Variants in FAF1 observed in about 807,000 individuals in gnomAD.
FAF1 encodes the protein Fas associated factor 1, also known as FAS-associated factor 1.
FAF1 carries 25 observed loss-of-function variants against 92.5 expected under a neutral mutation model. The observed-to-expected ratio is 0.27, with a 90% CI of 0.20 to 0.38. FAF1 has a LOEUF of 0.38. Ranked by LOEUF, FAF1 falls within the 10% of genes least tolerant of loss-of-function variation. The pLI is 1.00. For missense variants in FAF1, 636 were observed against 793.3 expected (o/e 0.80, Z 2.38); for synonymous variants, 234 against 273.2 (o/e 0.86, Z 1.42).
At chr1:50,717,219 T>C (rs1336230978) in intron 6 of FAF1, among the ~76,000 whole-genome samples, 1 of 152,208 alleles carries the variant, frequency 6.6e-6, no homozygotes, top group Non-Finnish European at 1.5e-5. Context: ...CTTTCCAAAA[T>C]TCATACATTG....
chr1:50,564,892 G>A (rs1388239574), intron 13 of FAF1, among the ~76,000 whole-genome samples: 2 of 151,546 alleles, frequency 1.3e-5, no homozygotes, highest in African/African-American at 2.4e-5. Context: ...TATAAAATGT[G>A]TATTTTCCCA....
intron 4 of FAF1, chr1:50,780,981 T>C: frequency 2.1e-6 from 1 of 483,768 alleles, no homozygotes; most frequent in Admixed American, 2.1e-5. Flanking sequence ...CTGCCAAGGG[T>C]GACTCCAAGG....
At chr1:50,757,017 C>T (rs1426680923) in intron 4 of FAF1, among the ~76,000 whole-genome samples, 1 of 152,146 alleles carries the variant, frequency 6.6e-6, no homozygotes, top group Non-Finnish European at 1.5e-5. Flanking sequence ...TCTTCTTTGA[C>T]CTATGGTTTA....
chr1:50,944,159 A>G (rs887272121), intron 1 of FAF1, among the ~76,000 whole-genome samples: 1 of 152,232 alleles, frequency 6.6e-6, no homozygotes, highest in African/African-American at 2.4e-5. Flanking sequence ...TGGAAGGTAC[A>G]TGACCTGGAG....
At chr1:50,925,590 A>C (rs982533405) in intron 1 of FAF1, among the ~76,000 whole-genome samples, 2 of 152,214 alleles carry the variant, frequency 1.3e-5, no homozygotes, top group African/African-American at 4.8e-5. Context: ...TCAAAGACAA[A>C]AAATTACAAA....
chr1:50,594,825 C>T (rs550497325), intron 9 of FAF1, among the ~76,000 whole-genome samples: 114 of 148,716 alleles, frequency 7.7e-4, no homozygotes, highest in African/African-American at 2.0e-3. Context: ...GAGCCGAGAT[C>T]GCTCCATTGC....
chr1:50,785,310 C>T (rs1661321706), intron 4 of FAF1, among the ~76,000 whole-genome samples: 1 of 151,784 alleles, frequency 6.6e-6, no homozygotes, highest in South Asian at 2.1e-4. Context: ...AAAGCTTCTG[C>T]ACAGAAAAGT....
At chr1:50,901,725 C>T (rs1644798353) in intron 1 of FAF1, among the ~76,000 whole-genome samples, 1 of 151,874 alleles carries the variant, frequency 6.6e-6, no homozygotes. Flanking sequence ...ATGTGTCGGG[C>T]ATGGTGGTGC....
chr1:50,447,602 T>C (rs1038690257), intron 18 of FAF1, among the ~76,000 whole-genome samples: 1 of 152,232 alleles, frequency 6.6e-6, no homozygotes, highest in East Asian at 1.9e-4. Flanking sequence ...GGACCCTGAA[T>C]AGCCTGACTC....
At chr1:50,669,990 G>A (rs914630059) in intron 7 of FAF1, among the ~76,000 whole-genome samples, 2 of 151,918 alleles carry the variant, frequency 1.3e-5, no homozygotes, top group Middle Eastern at 3.2e-3. Flanking sequence ...GCGTGGTGGC[G>A]CATGCCTGTA....
At chr1:50,540,555 C>T (rs552206270) in intron 13 of FAF1, among the ~76,000 whole-genome samples, 19 of 152,250 alleles carry the variant, frequency 1.2e-4, no homozygotes, top group African/African-American at 4.3e-4. Context: ...CCAAAAAAAG[C>T]TCTGAGATAT....
chr1:50,870,003 A>T (rs992952573), intron 1 of FAF1, among the ~76,000 whole-genome samples: 1 of 152,224 alleles, frequency 6.6e-6, no homozygotes, highest in Non-Finnish European at 1.5e-5. Context: ...GTATCCTTAT[A>T]AAGTGTTTCC....
intron 6 of FAF1, among the ~76,000 whole-genome samples, chr1:50,709,564 C>T (rs918644517): frequency 6.6e-6 from 1 of 152,000 alleles, no homozygotes; most frequent in Admixed American, 6.6e-5. Context: ...GTTAATTGCC[C>T]CTGGTCATCA....
At chr1:50,572,522 A>G (rs1345878657) in intron 12 of FAF1, among the ~76,000 whole-genome samples, 1 of 152,156 alleles carries the variant, frequency 6.6e-6, no homozygotes, top group African/African-American at 2.4e-5. Context: ...CTACAATGCT[A>G]TTCTTGTATA....
intron 7 of FAF1, among the ~76,000 whole-genome samples, chr1:50,659,273 G>A (rs1470304438): frequency 6.6e-6 from 1 of 151,696 alleles, no homozygotes; most frequent in Non-Finnish European, 1.5e-5. Flanking sequence ...GGAGAAGAAG[G>A]GGAAAAGGGA....
At chr1:50,874,749 C>CT (rs1644556040) in intron 1 of FAF1, among the ~76,000 whole-genome samples, 1 of 109,972 alleles carries the variant, frequency 9.1e-6, no homozygotes, top group Non-Finnish European at 2.0e-5. Context: ...ATCTTATTTT[C>CT]TTTTCTTTCT....
At chr1:50,849,461 T>C (rs1644330345) in intron 2 of FAF1, among the ~76,000 whole-genome samples, 1 of 152,180 alleles carries the variant, frequency 6.6e-6, no homozygotes, top group South Asian at 2.1e-4. Context: ...TCACTCATTA[T>C]ACATTTTAAA....
chr1:50,645,420 C>G (rs1276530656), intron 8 of FAF1, among the ~76,000 whole-genome samples: 1 of 152,224 alleles, frequency 6.6e-6, no homozygotes, highest in Non-Finnish European at 1.5e-5. Context: ...CAAACTTTCT[C>G]CGTAAAGGGC....
intron 8 of FAF1, among the ~76,000 whole-genome samples, chr1:50,653,861 T>C (rs1295362226): frequency 6.6e-6 from 1 of 151,982 alleles, no homozygotes; most frequent in Non-Finnish European, 1.5e-5. Context: ...TAGAGCAAGA[T>C]TCCAAGTCAA....
Sources: gnomAD v4.1 joint callset for allele counts (sites outside exome capture counted in the v4.1 genomes callset) on GRCh38, gnomAD v4.1.1 for gene constraint, MANE v1.5 for transcripts, NCBI Gene and HGNC (gene_info 2026-07-23, HGNC 2026-07-21) for gene names.